The following CEP170B variants were observed in gnomAD, a reference collection of about 807,000 sequenced individuals.
CEP170B encodes the protein centrosomal protein 170B.
Under a neutral mutation model 120.6 loss-of-function variants are expected in CEP170B, and 55 were observed. The observed-to-expected ratio is 0.46, with a 90% CI of 0.37 to 0.57. The LOEUF is 0.57. CEP170B is among the 20% of genes least tolerant of loss of function. CEP170B has a pLI of 0.00. For missense variants in CEP170B, 2,212 were observed against 2,253.3 expected, an observed-to-expected ratio of 0.98 and a Z score of 0.37; for synonymous variants, 1,033 against 954.5, an observed-to-expected ratio of 1.08 and a Z score of -1.52.
intron 2 of CEP170B, among the ~76,000 whole-genome samples, chr14:104,876,026 G>A (rs1356859155): frequency 1.3e-5 from 2 of 152,184 alleles, no homozygotes; most frequent in Non-Finnish European, 2.9e-5. Context: ...CATCTCTGGG[G>A]AGGGCGGTCA....
At position 104,894,488 on chromosome 14, in the gene CEP170B, T is replaced by C. The variant is rs758037762; in HGVS notation, c.4366-49T>C. Reference sequence around the variant, plus strand: ...TGCACACAGAGCCCCGGGGCAGGGCTGCAGCCCGTCAGAAGTTGACTCCAC... The same window carrying C: ...TGCACACAGAGCCCCGGGGCAGGGCCGCAGCCCGTCAGAAGTTGACTCCAC... On this transcript the variant is annotated intron_variant, in intron 17 of 18. Coordinates refer to ENST00000414716, the MANE Select transcript of CEP170B (RefSeq NM_001112726.3). The C allele has an allele frequency of 8.7e-6, 14 of 1,603,696 alleles. No individual in the cohort carries two copies. The Admixed American group carries it at 2.2e-4, about 25-fold the overall frequency.
intron 3 of CEP170B, 37 bp downstream of exon 3, chr14:104,876,382 C>T: frequency 1.3e-6 from 2 of 1,538,708 alleles, no homozygotes; most frequent in Non-Finnish European, 1.8e-6. Context: ...CTTTTAACAG[C>T]TCGACCCTTC....
chr14:104,872,975 C>T (rs1049660906), intron 2 of CEP170B, among the ~76,000 whole-genome samples: 2 of 152,232 alleles, frequency 1.3e-5, no homozygotes, highest in African/African-American at 2.4e-5. Context: ...CACCGAGTTC[C>T]GTCCACAGCC....
chr14:104,873,026 G>T (rs995262895), intron 2 of CEP170B, among the ~76,000 whole-genome samples: 6 of 152,200 alleles, frequency 3.9e-5, no homozygotes, highest in African/African-American at 1.4e-4. Context: ...TGGGCCGGGG[G>T]CCACTTCTCA....
rs892398312 is a variant in CEP170B at position 104,891,546 on chromosome 14, C to T, written c.3879-1430C>T. On this transcript the variant is annotated intron_variant, in intron 13 of 18. Coordinates refer to ENST00000414716, the MANE Select transcript of CEP170B (RefSeq NM_001112726.3). The surrounding 1 kb of genome is among the most constrained non-coding windows in gnomAD (Gnocchi z 4.3). Reference sequence around the variant, plus strand: ...GGCTTGGAAGGATGGGGACTGGGGACAGGGCTCTTGGGATGCTTGAGGTAT... The same window carrying T: ...GGCTTGGAAGGATGGGGACTGGGGATAGGGCTCTTGGGATGCTTGAGGTAT... Among the ~76,000 whole-genome samples the T allele has an allele frequency of 7.2e-5, 11 of 151,888 alleles. No homozygotes were observed. The highest frequency in any genetic ancestry group is 2.7e-4 in the African/African-American group (11 of 41,312).
chr14:104,866,258 G>T (rs921134134), intron 1 of CEP170B, among the ~76,000 whole-genome samples: 2 of 152,228 alleles, frequency 1.3e-5, no homozygotes, highest in Non-Finnish European at 2.9e-5. Context: ...CCAGGCTCTG[G>T]GGCTCGGCTT....
At chr14:104,882,529 G>T (rs753095593) in intron 6 of CEP170B, among the ~76,000 whole-genome samples, 199 bp from the exon 7 acceptor site, 12 of 151,924 alleles carry the variant, frequency 7.9e-5, no homozygotes, top group African/African-American at 1.7e-4. Context: ...GCCAGGCAGG[G>T]AGGGGCCAGT....
intron 8 of CEP170B, 24 bp downstream of exon 8, chr14:104,883,532 G>A (rs758475742): frequency 6.6e-7 from 1 of 1,515,710 alleles, no homozygotes; most frequent in African/African-American, 1.4e-5. Context: ...TGGCGGCCGT[G>A]CCAGTCCCGG....
intron 2 of CEP170B, among the ~76,000 whole-genome samples, chr14:104,875,051 C>T (rs1199870820): frequency 6.6e-6 from 1 of 152,234 alleles, no homozygotes; most frequent in Non-Finnish European, 1.5e-5. Context: ...TGGGGAAGGC[C>T]CCACACTGGT....
chr14:104,874,015 C>T (rs938093959), intron 2 of CEP170B, among the ~76,000 whole-genome samples: 1 of 152,184 alleles, frequency 6.6e-6, no homozygotes, highest in African/African-American at 2.4e-5. Context: ...ATCCAGGCCT[C>T]CCAGCTTCCA....
At position 104,887,942 on chromosome 14, in the gene CEP170B, A is replaced by C; in HGVS notation, c.3703A>C (p.Ser1235Arg). ...CACCACGGGTCCCCGCCAGCCCTTCAGCAGGGCCCGCTCAGGCAGTGCCCG... is the reference window on the plus strand; with the variant it reads ...CACCACGGGTCCCCGCCAGCCCTTCCGCAGGGCCCGCTCAGGCAGTGCCCG... ...ATTTGPRQPF[S>R]RARSGSARYT... Residue 1235 changes from serine to arginine, a missense_variant, in exon 12 of 19, where the codon AGC (serine) becomes CGC (arginine). This residue lies in a region of CEP170B where 2,166 missense variants were observed against 2,166.7 expected (regional missense o/e 1.00). Coordinates refer to ENST00000414716, the MANE Select transcript of CEP170B (RefSeq NM_001112726.3). 6.5e-7 allele frequency: 1 copy of C among 1,539,850 alleles called. No individual in the cohort carries two copies. The highest frequency in any genetic ancestry group is 8.7e-7 in the Non-Finnish European group (1 of 1,147,132).
chr14:104,874,680 GCAGTCCTCCCCT>G (rs1895738855), intron 2 of CEP170B, among the ~76,000 whole-genome samples: 1 of 149,804 alleles, frequency 6.7e-6, no homozygotes, highest in Non-Finnish European at 1.5e-5. Flanking sequence ...GTCCTCCACT[GCAGTCCTCCCCT>G]CAGTCCTCCA....
Position 104,884,445 on chromosome 14 carries a change from C to T in CEP170B, c.1666C>T (p.Arg556Trp), listed in dbSNP as rs766655499. 79 of 1,553,452 alleles carry T rather than the reference C, an allele frequency of 5.1e-5. No homozygotes were observed. Among genetic ancestry groups the T allele is most frequent in the Non-Finnish European group, 6.0e-5 (69 of 1,148,862 alleles). Residue 556 changes from arginine (R) to tryptophan (W), a missense_variant, in exon 9 of 19, where the codon CGG becomes TGG. Transcript: ENST00000414716. ...CACGGACCCCCAGCTGACCAAGGCA[C>T]GGAAACAGGAGGAGGACGACAGCCT... ...APTDPQLTKA[R>W]KQEEDDSLSD...
Position 104,868,522 on chromosome 14 carries a change from C to T in CEP170B, c.72C>T (p.Phe24=), listed in dbSNP as rs1363825577. The change falls in exon 2 of 19, where the codon TTC becomes TTT. Residue 24 remains phenylalanine (F), a synonymous_variant. Transcript: ENST00000414716. This position sits in a 1 kb window ranked among gnomAD's most constrained non-coding sequence, Gnocchi z 5.9. ...ARHRLPRELI[F]VGREECELML... ...ACCGGCTCCCTCGGGAGCTCATCTT[C>T]GTGGGGCGTGAGGAGTGTGAGCTCA... is the stretch of plus-strand genomic sequence containing the variant. 1.8e-5 allele frequency: 28 copies of T among 1,549,798 alleles called. No homozygotes were observed. Among genetic ancestry groups the T allele is most frequent in the Admixed American group, 1.2e-4 (6 of 50,992 alleles).
chr14:104,891,662 G>A lies in CEP170B; in HGVS notation c.3879-1314G>A, dbSNP rs1896860500. ...CAGAGACACTGCACCTGGCTGAGAA[G>A]GGGGTGGGTGCTTCCAGGCCTGAGA... On this transcript the variant is annotated intron_variant, in intron 13 of 18. Coordinates refer to ENST00000414716, the MANE Select transcript of CEP170B (RefSeq NM_001112726.3). The surrounding 1 kb of genome is among the most constrained non-coding windows in gnomAD (Gnocchi z 4.3). Among the ~76,000 whole-genome samples, 1 of 152,220 alleles carries A rather than the reference G, an allele frequency of 6.6e-6. No individual in the cohort carries two copies. The highest frequency in any genetic ancestry group is 2.1e-4 in the South Asian group (1 of 4,826).
At chr14:104,881,608 G>C (rs1463581277) in intron 6 of CEP170B, among the ~76,000 whole-genome samples, 1 of 152,218 alleles carries the variant, frequency 6.6e-6, no homozygotes, top group African/African-American at 2.4e-5. Context: ...GCTGGTGACA[G>C]CCAGTGTGGG....
At chr14:104,878,843 C>T (rs973585560) in intron 5 of CEP170B, among the ~76,000 whole-genome samples, 12 of 152,312 alleles carry the variant, frequency 7.9e-5, no homozygotes, top group Admixed American at 3.3e-4. Flanking sequence ...CCTGGGCTTT[C>T]GGAGCTGCAT....
intron 10 of CEP170B, 115 bp downstream of exon 10, chr14:104,885,657 G>A: frequency 7.3e-7 from 1 of 1,360,746 alleles, no homozygotes; most frequent in Non-Finnish European, 9.8e-7. Context: ...TCCTCTGAGG[G>A]ACACGCTCAG....
chr14:104,889,729 G>A lies in CEP170B; in HGVS notation c.3849G>A (p.Val1283=), dbSNP rs772582891. The part of the protein sequence containing the change: ...EEEPDPYGFI[V]QTAEIAEIAR... The stretch of plus-strand genomic sequence containing the variant: ...AGCCTGACCCTTATGGTTTCATCGT[G>A]CAGACGGCAGAGATTGCGGAGATTG... The change falls in exon 13 of 19, where the codon GTG becomes GTA. Residue 1283 remains valine (V), a synonymous_variant. Coordinates refer to ENST00000414716, the MANE Select transcript of CEP170B (RefSeq NM_001112726.3). 1.5e-5 allele frequency: 24 copies of A among 1,607,526 alleles called. No homozygotes were observed. Among genetic ancestry groups the A allele is most frequent in the Non-Finnish European group, 2.0e-5 (24 of 1,176,080 alleles).
Sources: gnomAD v4.1 joint callset for allele counts (sites outside exome capture counted in the v4.1 genomes callset) on GRCh38, gnomAD v4.1.1 for gene constraint, gnomAD v4.1.1 regional missense constraint, Gnocchi (gnomAD v3.1) non-coding constraint, MANE v1.5 for transcripts, NCBI Gene and HGNC (gene_info 2026-07-23, HGNC 2026-07-21) for gene names.